Variants in RNF115 observed in about 807,000 individuals in gnomAD.
RNF115 encodes ring finger protein 115, also known as E3 ubiquitin-protein ligase RNF115.
RNF115 carries 31 observed loss-of-function variants against 39.2 expected under a neutral mutation model. The observed-to-expected ratio is 0.79, with a 90% CI of 0.59 to 1.07. The LOEUF is 1.07. Ranked by LOEUF, RNF115 falls within the 50% of genes least tolerant of loss-of-function variation. The probability of loss-of-function intolerance (pLI) is 0.00; values close to 1 mark genes in which losing one functional copy is unlikely to be tolerated. For missense variants in RNF115, 384 were observed against 381.7 expected, an observed-to-expected ratio of 1.01 and a Z score of -0.05; for synonymous variants, 124 against 131.0, an observed-to-expected ratio of 0.95 and a Z score of 0.37.
rs1364704773 is a variant in RNF115, at chr1:145,819,640, G to A, written c.102+4132C>T. Among the ~76,000 whole-genome samples the A allele has an allele frequency of 5.9e-5, 9 of 152,082 alleles. No individual in the cohort carries two copies. In the East Asian group the frequency reaches 1.7e-3, roughly 29 times the overall value. On this transcript the variant is annotated intron_variant, in intron 1 of 8. Coordinates refer to ENST00000582693, the MANE Select transcript of RNF115 (RefSeq NM_014455.4). ...AGCAGCATTCTGATACCAAAACCTG[G>A]CAAAGACACAATGAAAAAAGAAAAC...
intron 1 of RNF115, 56 bp downstream of exon 1, chr1:145,823,716 A>C (rs587713494): frequency 7.5e-7 from 1 of 1,339,134 alleles, no homozygotes; most frequent in East Asian, 2.8e-5. Flanking sequence ...CAGTTCCGGG[A>C]AATCGGGGCC....
intron 4 of RNF115, among the ~76,000 whole-genome samples, chr1:145,756,276 C>G (rs2624783): frequency 0.046 from 6,927 of 152,092 alleles, 552 homozygotes; most frequent in African/African-American, 0.16. Flanking sequence ...GCCTGGCCAA[C>G]ATGGAGAAAC....
chr1:145,789,584 G>A (rs1323364385), intron 1 of RNF115, among the ~76,000 whole-genome samples: 1 of 150,588 alleles, frequency 6.6e-6, no homozygotes, highest in Non-Finnish European at 1.5e-5. Flanking sequence ...TTTTAGGAGA[G>A]ACGAGGTTTT....
At chr1:145,770,117 G>A (rs587766500) in intron 4 of RNF115, among the ~76,000 whole-genome samples, 1 of 152,292 alleles carries the variant, frequency 6.6e-6, no homozygotes, top group South Asian at 2.1e-4. Context: ...TGCATTAACT[G>A]TTTAAGGGAG....
At chr1:145,776,745 A>G (rs1431266055) in intron 3 of RNF115, among the ~76,000 whole-genome samples, 1 of 152,098 alleles carries the variant, frequency 6.6e-6, no homozygotes, top group Non-Finnish European at 1.5e-5. Flanking sequence ...CTGAGGCAGG[A>G]GAATTGCTTG....
At chr1:145,811,288 AAGG>A (rs1245018595) in intron 1 of RNF115, among the ~76,000 whole-genome samples, 10 of 150,804 alleles carry the variant, frequency 6.6e-5, no homozygotes, top group African/African-American at 2.4e-4. Flanking sequence ...TTGGGAGGCC[AAGG>A]AGGAGGACAG....
chr1:145,753,520 C>T (rs1553712794), intron 4 of RNF115, among the ~76,000 whole-genome samples: 1 of 152,100 alleles, frequency 6.6e-6, no homozygotes, highest in African/African-American at 2.4e-5. Context: ...AAGGTTGTTT[C>T]AGATGATTAT....
chr1:145,781,530 T>C lies in RNF115; in HGVS notation c.219+3009A>G, dbSNP rs587729045. ...GCTCCAGTGCAAGTTCTAACTTCAC[T>C]ATGAAGTCTTAATAATGGCTAAAAT... On this transcript the variant is annotated intron_variant, in intron 3 of 8. Coordinates refer to ENST00000582693, the MANE Select transcript of RNF115 (RefSeq NM_014455.4). Among the ~76,000 whole-genome samples, 14 of 152,314 alleles carry C rather than the reference T, an allele frequency of 9.2e-5. No homozygotes were observed. The East Asian group carries it at 2.5e-3, about 27-fold the overall frequency.
intron 1 of RNF115, among the ~76,000 whole-genome samples, chr1:145,815,719 G>T (rs1433464708): frequency 4.0e-5 from 6 of 151,000 alleles, no homozygotes; most frequent in African/African-American, 1.2e-4. Context: ...GTTACTTTAA[G>T]TATTTATTCT....
At chr1:145,785,049 T>G (rs1648318539) in intron 2 of RNF115, among the ~76,000 whole-genome samples, 2 of 152,188 alleles carry the variant, frequency 1.3e-5, no homozygotes, top group South Asian at 4.1e-4. Context: ...GTACTGTATT[T>G]AAAACATTAT....
At chr1:145,799,261 T>A (rs1649119348) in intron 1 of RNF115, among the ~76,000 whole-genome samples, 1 of 151,920 alleles carries the variant, frequency 6.6e-6, no homozygotes. Context: ...AAAGACGGGG[T>A]TTCACCATGT....
At chr1:145,755,388 C>T (rs1658259532) in intron 4 of RNF115, among the ~76,000 whole-genome samples, 1 of 152,124 alleles carries the variant, frequency 6.6e-6, no homozygotes, top group African/African-American at 2.4e-5. Context: ...CAGAACAAAC[C>T]TGCCAGAATA....
At chr1:145,765,100 C>T (rs1324356514) in intron 4 of RNF115, among the ~76,000 whole-genome samples, 1 of 152,332 alleles carries the variant, frequency 6.6e-6, no homozygotes, top group East Asian at 1.9e-4. Flanking sequence ...CCTTGGGATG[C>T]TGTTGATCTA....
At chr1:145,793,150 C>G (rs1648756186) in intron 1 of RNF115, among the ~76,000 whole-genome samples, 1 of 152,078 alleles carries the variant, frequency 6.6e-6, no homozygotes, top group African/African-American at 2.4e-5. Context: ...GAGACCTTGT[C>G]TCTACAAAAA....
At chr1:145,772,675 C>T (rs587609101) in intron 3 of RNF115, 11 of 152,242 alleles carry the variant, frequency 7.2e-5, no homozygotes, top group African/African-American at 1.9e-4. Flanking sequence ...TCTCTGGCTT[C>T]GGAAATTTTA....
At chr1:145,764,447 C>A (rs1227943087) in intron 4 of RNF115, among the ~76,000 whole-genome samples, 1 of 151,614 alleles carries the variant, frequency 6.6e-6, no homozygotes, top group East Asian at 2.0e-4. Context: ...CTCGGCCCCA[C>A]CGCCCTGTCT....
chr1:145,752,270 A>C (rs1361534447), intron 5 of RNF115, among the ~76,000 whole-genome samples: 1 of 152,178 alleles, frequency 6.6e-6, no homozygotes, highest in Non-Finnish European at 1.5e-5. Context: ...CTTTGAAAAA[A>C]ATGAAGTTCA....
At chr1:145,766,587 C>T (rs1647287773) in intron 4 of RNF115, among the ~76,000 whole-genome samples, 1 of 151,534 alleles carries the variant, frequency 6.6e-6, no homozygotes, top group Admixed American at 6.6e-5. Context: ...AGAGGCGCCC[C>T]TCACCTCCCG....
chr1:145,797,991 GTTTA>G (rs1335479670), intron 1 of RNF115, among the ~76,000 whole-genome samples: 1 of 152,004 alleles, frequency 6.6e-6, no homozygotes, highest in Non-Finnish European at 1.5e-5. Context: ...TTTTTAATCT[GTTTA>G]TTTGATTTTT....
Sources: gnomAD v4.1 joint callset for allele counts (sites outside exome capture counted in the v4.1 genomes callset) on GRCh38, gnomAD v4.1.1 for gene constraint, MANE v1.5 for transcripts, NCBI Gene and HGNC (gene_info 2026-07-23, HGNC 2026-07-21) for gene names.